Variants in XYLT1 observed in about 807,000 individuals in gnomAD.
XYLT1 encodes xylosyltransferase 1, also known as beta-D-xylosyltransferase 1.
Under a neutral mutation model 91.3 loss-of-function variants are expected in XYLT1, and 36 were observed. The ratio of observed to expected loss-of-function variants is 0.39; its 90% CI spans 0.30 to 0.52. The LOEUF (loss-of-function observed/expected upper bound fraction) is 0.52, where lower values mean the gene tolerates loss of function less well. XYLT1 is among the 20% of genes least tolerant of loss of function. XYLT1 has a pLI of 0.68. For synonymous variants in XYLT1, 588 were observed against 532.0 expected, an observed-to-expected ratio of 1.11 and a Z score of -1.45; for missense variants, 1,242 against 1,284.5, an observed-to-expected ratio of 0.97 and a Z score of 0.51.
intron 8 of XYLT1, 111 bp from the exon 9 acceptor site, chr16:17,134,846 T>G: frequency 7.6e-7 from 1 of 1,317,232 alleles, no homozygotes; most frequent in Non-Finnish European, 1.0e-6. Context: ...GGACCCGAAT[T>G]AGCTCCGATA....
At chr16:17,276,022 T>C (rs890494978) in intron 2 of XYLT1, among the ~76,000 whole-genome samples, 7 of 152,138 alleles carry the variant, frequency 4.6e-5, no homozygotes, top group Non-Finnish European at 8.8e-5. Context: ...ACCCAGTTAA[T>C]TTCTATCATC....
chr16:17,157,275 C>G (rs964738664), intron 6 of XYLT1, among the ~76,000 whole-genome samples: 1 of 152,112 alleles, frequency 6.6e-6, no homozygotes, highest in Non-Finnish European at 1.5e-5. Flanking sequence ...GCTCAGGAGA[C>G]GGAGCTACCT....
At chr16:17,317,411 T>C (rs1042609083) in intron 2 of XYLT1, among the ~76,000 whole-genome samples, 1 of 150,684 alleles carries the variant, frequency 6.6e-6, no homozygotes, top group Non-Finnish European at 1.5e-5. Context: ...GGCGGGAGGG[T>C]GGTTTGAGCC....
chr16:17,167,482 G>A (rs9921730), intron 5 of XYLT1, among the ~76,000 whole-genome samples: 6,046 of 87,872 alleles, frequency 0.069, 103 homozygotes, highest in African/African-American at 0.14. Flanking sequence ...TCGTGAATGG[G>A]TTCTAACCCA....
chr16:17,373,905 A>C (rs1002194148), intron 1 of XYLT1, among the ~76,000 whole-genome samples: 2 of 152,234 alleles, frequency 1.3e-5, no homozygotes, highest in East Asian at 3.9e-4. Flanking sequence ...TATCTTTAAC[A>C]AGATAGCTAC....
intron 4 of XYLT1, 139 bp from the exon 5 acceptor site, chr16:17,198,553 T>A (rs1010026331): frequency 2.7e-6 from 2 of 730,296 alleles, no homozygotes; most frequent in African/African-American, 3.5e-5. Flanking sequence ...AAGTAAATGA[T>A]CCTGGACTGG....
chr16:17,388,364 C>A (rs1000001923), intron 1 of XYLT1, among the ~76,000 whole-genome samples: 2 of 152,154 alleles, frequency 1.3e-5, no homozygotes, highest in Non-Finnish European at 2.9e-5. Context: ...GTCTGTGTCT[C>A]TGATTAGATG....
chr16:17,412,453 C>T (rs542430172), intron 1 of XYLT1, among the ~76,000 whole-genome samples: 1 of 150,540 alleles, frequency 6.6e-6, no homozygotes, highest in Admixed American at 6.7e-5. Context: ...CTACCACATT[C>T]TTCATTCTGT....
At chr16:17,465,779 T>C (rs879943831) in intron 1 of XYLT1, among the ~76,000 whole-genome samples, 3 of 152,184 alleles carry the variant, frequency 2.0e-5, no homozygotes, top group Non-Finnish European at 4.4e-5. Context: ...TTTTCAAACA[T>C]ACCAAGAATT....
At chr16:17,349,307 A>T (rs1460630108) in intron 2 of XYLT1, among the ~76,000 whole-genome samples, 1 of 152,248 alleles carries the variant, frequency 6.6e-6, no homozygotes, top group Admixed American at 6.5e-5. Context: ...ATAAATAGAT[A>T]TCAAATCTCT....
At chr16:17,302,970 G>T (rs555228538) in intron 2 of XYLT1, among the ~76,000 whole-genome samples, 2 of 151,980 alleles carry the variant, frequency 1.3e-5, no homozygotes, top group Non-Finnish European at 2.9e-5. Context: ...TAATGCAAGG[G>T]GATAAGCTGG....
Position 17,436,731 on chromosome 16 carries a change from G to C in XYLT1, c.363+33703C>G, listed in dbSNP as rs1559448. 9.2e-3 allele frequency among the ~76,000 whole-genome samples: 1,400 copies of C among 152,346 alleles called. 90 individuals are homozygous for C. The East Asian group carries it at 0.17, about 18-fold the overall frequency. On this transcript the variant is annotated intron_variant, in intron 1 of 11. Coordinates refer to ENST00000261381, the MANE Select transcript of XYLT1 (RefSeq NM_022166.4). ...ATACAATATGATTAAATGAGATGCA[G>C]TGGAGAATTACATAACAGTTCAGAA...
intron 3 of XYLT1, among the ~76,000 whole-genome samples, chr16:17,239,491 C>T (rs1418992534): frequency 1.4e-5 from 2 of 144,060 alleles, no homozygotes; most frequent in African/African-American, 2.6e-5. Flanking sequence ...ATCCACCCAC[C>T]CAGTCCATCT....
chr16:17,157,375 A>G (rs942991271), intron 6 of XYLT1, among the ~76,000 whole-genome samples: 9 of 146,518 alleles, frequency 6.1e-5, no homozygotes. Context: ...ACAGCAGTGA[A>G]GATTTAAAGC....
At chr16:17,273,138 C>A (rs1428650967) in intron 2 of XYLT1, among the ~76,000 whole-genome samples, 4 of 152,218 alleles carry the variant, frequency 2.6e-5, no homozygotes, top group Non-Finnish European at 5.9e-5. Context: ...AGGAGCCTAA[C>A]TTAGATTTAC....
intron 5 of XYLT1, among the ~76,000 whole-genome samples, chr16:17,173,231 G>C (rs146034120): frequency 6.6e-6 from 1 of 152,212 alleles, no homozygotes; most frequent in Admixed American, 6.5e-5. Context: ...CAAACAGGAC[G>C]TGTAGTAGAT....
At chr16:17,430,369 A>G (rs897481917) in intron 1 of XYLT1, among the ~76,000 whole-genome samples, 1 of 152,226 alleles carries the variant, frequency 6.6e-6, no homozygotes, top group Non-Finnish European at 1.5e-5. Context: ...GTATAACACA[A>G]AATATCCCAA....
chr16:17,450,191 A>G (rs925226294), intron 1 of XYLT1, among the ~76,000 whole-genome samples: 1 of 152,150 alleles, frequency 6.6e-6, no homozygotes, highest in African/African-American at 2.4e-5. Context: ...TACAAAAATT[A>G]GCCAGGCATG....
In XYLT1 at chr16:17,134,506, G is replaced by T. The variant is rs79030430; in HGVS notation, c.1994C>A (p.Thr665Lys). 1.2e-6 allele frequency: 2 copies of T among 1,614,002 alleles called. No individual in the cohort carries two copies. The highest frequency in any genetic ancestry group is 2.2e-5 in the East Asian group (1 of 44,892). The change falls in exon 9 of 12, where the codon ACG becomes AAG. Residue 665 changes from threonine to lysine, a missense_variant. Around this residue, in one of 3 missense-constraint regions of XYLT1, gnomAD observed 511 missense variants for 497.0 expected, o/e 1.03. Coordinates refer to ENST00000261381, the MANE Select transcript of XYLT1 (RefSeq NM_022166.4). ...GTTCTCCCCATCCGTGTGCAGGGAC[G>T]TCTCGGCCCGTCGAAGACCCAGGCG... ...FARLGLRRAETSLHTDGENSC... is the reference protein window; with the variant it reads ...FARLGLRRAEKSLHTDGENSC...
Sources: allele counts gnomAD v4.1 joint callset (sites outside exome capture counted in the v4.1 genomes callset), GRCh38; gene constraint gnomAD v4.1.1; regional missense constraint gnomAD v4.1.1; transcripts MANE v1.5; gene names NCBI Gene and HGNC (gene_info 2026-07-23, HGNC 2026-07-21).